Variants in LRRC4C observed in about 807,000 individuals in gnomAD.
LRRC4C encodes the protein leucine rich repeat containing 4C, also known as leucine-rich repeat-containing protein 4C.
LRRC4C carries 5 observed loss-of-function variants against 33.6 expected under a neutral mutation model. That is an observed-to-expected ratio of 0.15 (90% CI 0.08 to 0.31). LRRC4C has a LOEUF of 0.31. Ranked by LOEUF, LRRC4C falls within the 10% of genes least tolerant of loss-of-function variation. The pLI is 1.00. For synonymous variants in LRRC4C, 329 were observed against 302.0 expected (o/e 1.09, Z -0.93); for missense variants, 560 against 796.7 (o/e 0.70, Z 3.58).
intron 1 of LRRC4C, among the ~76,000 whole-genome samples, chr11:41,113,845 A>T (rs1283984220): frequency 6.6e-6 from 1 of 152,096 alleles, no homozygotes; most frequent in Non-Finnish European, 1.5e-5. Context: ...AAACACATAA[A>T]GTGGCAGAAA....
chr11:40,177,607 C>T (rs926673564), intron 5 of LRRC4C, among the ~76,000 whole-genome samples: 2 of 152,112 alleles, frequency 1.3e-5, no homozygotes, highest in Admixed American at 1.3e-4. Flanking sequence ...CTCTTTCTGA[C>T]CTTTGCTCAA....
chr11:40,804,489 G>A (rs192481103), intron 2 of LRRC4C, among the ~76,000 whole-genome samples: 118 of 152,276 alleles, frequency 7.7e-4, no homozygotes, highest in Non-Finnish European at 8.8e-5. Context: ...CATTCCGCAC[G>A]TGTTTAATGA....
At chr11:40,784,789 T>G (rs554723253) in intron 2 of LRRC4C, among the ~76,000 whole-genome samples, 26 of 152,242 alleles carry the variant, frequency 1.7e-4, no homozygotes, top group Admixed American at 4.6e-4. Flanking sequence ...ATCTTTAGTC[T>G]AGAAAGGGTA....
intron 2 of LRRC4C, among the ~76,000 whole-genome samples, chr11:40,832,577 A>G (rs2135556696): frequency 6.6e-6 from 1 of 152,238 alleles, no homozygotes; most frequent in African/African-American, 2.4e-5. Context: ...GTCTTAGTTA[A>G]TGATGAAGGC....
At chr11:40,972,783 T>A (rs1264348073) in intron 1 of LRRC4C, among the ~76,000 whole-genome samples, 1 of 152,102 alleles carries the variant, frequency 6.6e-6, no homozygotes, top group Non-Finnish European at 1.5e-5. Context: ...CCACAGGTCT[T>A]TTTCCTAACA....
intron 2 of LRRC4C, among the ~76,000 whole-genome samples, chr11:40,782,242 AT>A (rs545575516): frequency 1.3e-5 from 2 of 152,008 alleles, no homozygotes; most frequent in Admixed American, 6.6e-5. Flanking sequence ...TCATAGTAAC[AT>A]TTTTTTGGTT....
In LRRC4C at chr11:40,255,253, C is replaced by T. The variant is rs1042034624; in HGVS notation, c.-175-13655G>A. On this transcript the variant is annotated intron_variant, in intron 4 of 6. Coordinates refer to ENST00000528697, the MANE Select transcript of LRRC4C (RefSeq NM_001258419.2). ...AGGTGACACCTGAGCCCAACCCCGACGCAGTCTGGGATGTGCCACAAAGCC... is the reference window on the plus strand; with the variant it reads ...AGGTGACACCTGAGCCCAACCCCGATGCAGTCTGGGATGTGCCACAAAGCC... Among the ~76,000 whole-genome samples, 8 of 152,204 alleles carry T rather than the reference C, an allele frequency of 5.3e-5. No homozygotes were observed. In the South Asian group the frequency reaches 6.2e-4, roughly 12 times the overall value.
chr11:40,154,577 T>A (rs1858523046), intron 5 of LRRC4C, among the ~76,000 whole-genome samples: 1 of 152,086 alleles, frequency 6.6e-6, no homozygotes, highest in Non-Finnish European at 1.5e-5. Context: ...CAAAACAAAC[T>A]TTAAAGCAAC....
chr11:41,386,385 C>T (rs1419844916), intron 1 of LRRC4C, among the ~76,000 whole-genome samples: 1 of 151,604 alleles, frequency 6.6e-6, no homozygotes, highest in African/African-American at 2.4e-5. Flanking sequence ...TTCCCATATG[C>T]CCTTCACACA....
At chr11:40,144,309 A>G (rs1209035577) in intron 5 of LRRC4C, among the ~76,000 whole-genome samples, 1 of 152,180 alleles carries the variant, frequency 6.6e-6, no homozygotes, top group African/African-American at 2.4e-5. Context: ...AAAATGCTGA[A>G]CATAACTATC....
chr11:41,098,381 T>G (rs989664345), intron 1 of LRRC4C, among the ~76,000 whole-genome samples: 3 of 152,288 alleles, frequency 2.0e-5, no homozygotes, highest in African/African-American at 7.2e-5. Context: ...AATCTAAAAT[T>G]ATCTGATGTC....
intron 3 of LRRC4C, among the ~76,000 whole-genome samples, chr11:40,600,647 C>A (rs1959894818): frequency 6.6e-6 from 1 of 152,162 alleles, no homozygotes; most frequent in Non-Finnish European, 1.5e-5. Flanking sequence ...TACTGCCAGT[C>A]TTCCAGATAT....
At chr11:41,005,746 G>A (rs1029929973) in intron 1 of LRRC4C, among the ~76,000 whole-genome samples, 3 of 152,164 alleles carry the variant, frequency 2.0e-5, no homozygotes, top group African/African-American at 7.2e-5. Context: ...ACTAGAAGCA[G>A]ATATTTGTAC....
intron 1 of LRRC4C, among the ~76,000 whole-genome samples, chr11:40,935,621 A>AT (rs1957844813): frequency 6.6e-6 from 1 of 152,094 alleles, no homozygotes; most frequent in Non-Finnish European, 1.5e-5. Flanking sequence ...CACATAGCCT[A>AT]GGTGTATAGT....
chr11:40,308,585 A>G (rs529204543), intron 4 of LRRC4C, among the ~76,000 whole-genome samples: 1 of 152,288 alleles, frequency 6.6e-6, no homozygotes, highest in Admixed American at 6.5e-5. Context: ...CAGGAGGTCA[A>G]ATACCTTATA....
At chr11:40,219,904 C>CA (rs1447806731) in intron 5 of LRRC4C, among the ~76,000 whole-genome samples, 2 of 151,862 alleles carry the variant, frequency 1.3e-5, no homozygotes, top group Non-Finnish European at 2.9e-5. Context: ...GCCATAAAAA[C>CA]AAAAAATGGG....
At chr11:41,308,233 T>C (rs1425191867) in intron 1 of LRRC4C, among the ~76,000 whole-genome samples, 1 of 152,218 alleles carries the variant, frequency 6.6e-6, no homozygotes, top group Non-Finnish European at 1.5e-5. Flanking sequence ...GTTAAAACTC[T>C]GAGGGATTGC....
At chr11:40,257,989 T>C (rs1456335602) in intron 4 of LRRC4C, among the ~76,000 whole-genome samples, 1 of 152,218 alleles carries the variant, frequency 6.6e-6, no homozygotes, top group African/African-American at 2.4e-5. Context: ...ACAGGGTATA[T>C]GCCTCTGTAA....
chr11:40,813,605 A>T (rs879774111), intron 2 of LRRC4C, among the ~76,000 whole-genome samples: 1 of 152,018 alleles, frequency 6.6e-6, no homozygotes, highest in Non-Finnish European at 1.5e-5. Context: ...AAAACCAATC[A>T]TGCCTTCCCA....
Sources: gnomAD v4.1 joint callset for allele counts (sites outside exome capture counted in the v4.1 genomes callset) on GRCh38, gnomAD v4.1.1 for gene constraint, MANE v1.5 for transcripts, NCBI Gene and HGNC (gene_info 2026-07-23, HGNC 2026-07-21) for gene names.